Variants in ACSS3 observed in about 807,000 individuals in gnomAD.
ACSS3 encodes the protein acyl-CoA synthetase short chain family member 3, also known as acyl-CoA synthetase short-chain family member 3, mitochondrial.
In ACSS3, 64 loss-of-function variants were observed where a neutral mutation model predicts 84.2. The observed-to-expected ratio is 0.76, with a 90% CI of 0.62 to 0.94. ACSS3 has a LOEUF of 0.94. Ranked by LOEUF, ACSS3 falls within the 40% of genes least tolerant of loss-of-function variation. The pLI is 0.00. For missense variants in ACSS3, 815 were observed against 867.6 expected (o/e 0.94, Z 0.76); for synonymous variants, 317 against 310.1 (o/e 1.02, Z -0.23).
chr12:81,125,562 C>CT (rs1443495018), intron 2 of ACSS3: 1 of 152,334 alleles, frequency 6.6e-6, no homozygotes. Flanking sequence ...TTAAATGCTT[C>CT]TTTTGCCTGT....
At chr12:81,187,079 CT>C (rs2031305015) in intron 8 of ACSS3, among the ~76,000 whole-genome samples, 1 of 151,770 alleles carries the variant, frequency 6.6e-6, no homozygotes, top group Non-Finnish European at 1.5e-5. Flanking sequence ...GCTGGAGACA[CT>C]ACGTTGTTAA....
intron 7 of ACSS3, among the ~76,000 whole-genome samples, chr12:81,155,624 A>T (rs1886825648): frequency 6.6e-6 from 1 of 152,232 alleles, no homozygotes; most frequent in African/African-American, 2.4e-5. Context: ...TCTGCTGGTC[A>T]TTACAGTTTG....
intron 9 of ACSS3, among the ~76,000 whole-genome samples, chr12:81,213,833 CT>C (rs1269747495): frequency 8.1e-5 from 8 of 98,996 alleles, no homozygotes; most frequent in African/African-American, 2.2e-4. Flanking sequence ...CTTCTCTTCT[CT>C]TCTCTTCTCT....
In ACSS3 at chr12:81,183,964, C is replaced by G. The variant is rs566269977; in HGVS notation, c.1250+9025C>G. Among the ~76,000 whole-genome samples, 82 of 151,942 alleles carry G rather than the reference C, an allele frequency of 5.4e-4. 1 individual carries two copies. The highest frequency in any genetic ancestry group is 1.9e-3 in the African/African-American group (78 of 41,494). On this transcript the variant is annotated intron_variant, in intron 8 of 15. Coordinates refer to ENST00000548058, the MANE Select transcript of ACSS3 (RefSeq NM_024560.4). Reference sequence around the variant, plus strand: ...GCCCTAACAGACATATACAGAACTTCCCTTCCAACAGAAGCAGAGTACTTA... The same window carrying G: ...GCCCTAACAGACATATACAGAACTTGCCTTCCAACAGAAGCAGAGTACTTA...
At chr12:81,102,603 A>T (rs1299475107) in intron 1 of ACSS3, among the ~76,000 whole-genome samples, 1 of 152,066 alleles carries the variant, frequency 6.6e-6, no homozygotes. Flanking sequence ...CGGGCAGATC[A>T]CCAGGTCAAG....
intron 2 of ACSS3, among the ~76,000 whole-genome samples, chr12:81,112,683 G>A (rs759569805): frequency 6.6e-6 from 1 of 152,030 alleles, no homozygotes; most frequent in African/African-American, 2.4e-5. Flanking sequence ...GATTCCCTGC[G>A]GCCTTTATTT....
At position 81,128,631 on chromosome 12, in the gene ACSS3, A is replaced by G. The variant is rs560991158; in HGVS notation, c.457-6185A>G. On this transcript the variant is annotated intron_variant, in intron 2 of 15. Transcript: ENST00000548058. ...GATGAATGTGAATTGGGTGAACGGC[A>G]CATGGTTAACTTTTCTTCAGTTGAA... Among the ~76,000 whole-genome samples, 6 of 152,328 alleles carry G rather than the reference A, an allele frequency of 3.9e-5. No homozygotes were observed. In the South Asian group the frequency reaches 8.3e-4, roughly 21 times the overall value.
intron 8 of ACSS3, among the ~76,000 whole-genome samples, chr12:81,191,283 A>G (rs565517263): frequency 4.6e-5 from 7 of 152,230 alleles, no homozygotes; most frequent in Admixed American, 4.6e-4. Context: ...TCATTATAGC[A>G]TGGTTTTACC....
At chr12:81,219,449 G>C (rs117087504) in intron 10 of ACSS3, among the ~76,000 whole-genome samples, 2,361 of 152,014 alleles carry the variant, frequency 0.016, 32 homozygotes, top group Non-Finnish European at 0.017. Flanking sequence ...TTGCACCAAG[G>C]GTTACTGAAT....
chr12:81,130,110 G>C (rs1225194157), intron 2 of ACSS3, among the ~76,000 whole-genome samples: 1 of 152,196 alleles, frequency 6.6e-6, no homozygotes, highest in Non-Finnish European at 1.5e-5. Flanking sequence ...CTTTATGGTA[G>C]CATGATTTAT....
chr12:81,233,525 A>T (rs2033532898), intron 13 of ACSS3, 54 bp downstream of exon 13: 2 of 1,595,296 alleles, frequency 1.3e-6, no homozygotes, highest in Non-Finnish European at 8.6e-7. Context: ...ACAGAGCTGC[A>T]CTGAAGACAA....
chr12:81,186,835 G>C (rs1237460340), intron 8 of ACSS3, among the ~76,000 whole-genome samples: 1 of 151,774 alleles, frequency 6.6e-6, no homozygotes, highest in South Asian at 2.1e-4. Flanking sequence ...ACTACCATAT[G>C]ATCCAGCAAT....
intron 1 of ACSS3, among the ~76,000 whole-genome samples, chr12:81,092,809 G>C (rs145454376): frequency 1.8e-4 from 27 of 152,272 alleles, no homozygotes; most frequent in African/African-American, 6.5e-4. Context: ...TGTGGTTGGA[G>C]ATAGTGGGGT....
chr12:81,079,389 TA>T (rs1880829662), intron 1 of ACSS3, among the ~76,000 whole-genome samples: 1 of 152,064 alleles, frequency 6.6e-6, no homozygotes, highest in Non-Finnish European at 1.5e-5. Flanking sequence ...ATGTTTCCTG[TA>T]AAAGTTTGAA....
At chr12:81,193,131 A>G (rs1444566384) in intron 8 of ACSS3, among the ~76,000 whole-genome samples, 3 of 152,310 alleles carry the variant, frequency 2.0e-5, no homozygotes, top group Admixed American at 2.0e-4. Flanking sequence ...ATGGGGAGCA[A>G]ATAGAAGAAA....
At chr12:81,188,538 A>G (rs1194352070) in intron 8 of ACSS3, among the ~76,000 whole-genome samples, 1 of 152,060 alleles carries the variant, frequency 6.6e-6, no homozygotes, top group Non-Finnish European at 1.5e-5. Context: ...TGGCTTCCCA[A>G]AAATATGCCT....
chr12:81,191,361 A>G (rs995170249), intron 8 of ACSS3, among the ~76,000 whole-genome samples: 1 of 152,038 alleles, frequency 6.6e-6, no homozygotes, highest in African/African-American at 2.4e-5. Context: ...AGATTCCTTT[A>G]AAATCTAGAT....
intron 1 of ACSS3, among the ~76,000 whole-genome samples, chr12:81,086,548 A>C (rs1881325981): frequency 6.6e-6 from 1 of 152,208 alleles, no homozygotes; most frequent in Non-Finnish European, 1.5e-5. Context: ...TGGCGCAATC[A>C]ATGAACAATG....
chr12:81,107,001 TG>T (rs939990537), intron 1 of ACSS3, among the ~76,000 whole-genome samples: 5 of 127,414 alleles, frequency 3.9e-5, no homozygotes, highest in African/African-American at 1.5e-4. Flanking sequence ...GCTGTGGGGG[TG>T]GGGGTGGAGG....
Sources: allele counts gnomAD v4.1 joint callset (sites outside exome capture counted in the v4.1 genomes callset), GRCh38; gene constraint gnomAD v4.1.1; transcripts MANE v1.5; gene names NCBI Gene and HGNC (gene_info 2026-07-23, HGNC 2026-07-21).